Variants in NRG1 observed in about 807,000 individuals in gnomAD.
NRG1 encodes pro-neuregulin-1, membrane-bound isoform.
NRG1 carries 18 observed loss-of-function variants against 63.8 expected under a neutral mutation model. The observed-to-expected ratio is 0.28, with a 90% confidence interval of 0.19 to 0.42. The LOEUF (loss-of-function observed/expected upper bound fraction) is 0.42, where lower values mean the gene tolerates loss of function less well. Among genes scored for constraint, NRG1 ranks in the 10% least tolerant of loss-of-function variants. The pLI is 1.00. For missense variants in NRG1, 762 were observed against 814.7 expected, an observed-to-expected ratio of 0.94 and a Z score of 0.79; for synonymous variants, 302 against 301.3, an observed-to-expected ratio of 1.00 and a Z score of -0.02.
At chr8:32,267,112 A>C (rs1851045662) in intron 1 of NRG1, among the ~76,000 whole-genome samples, 1 of 145,022 alleles carries the variant, frequency 6.9e-6, no homozygotes, top group South Asian at 2.2e-4. Flanking sequence ...GGAAGGAAGG[A>C]GGGAAGGAAG....
chr8:32,360,701 G>A (rs1423704578), intron 1 of NRG1, among the ~76,000 whole-genome samples: 3 of 152,132 alleles, frequency 2.0e-5, no homozygotes, highest in Non-Finnish European at 4.4e-5. Context: ...CACCAAACCT[G>A]AACCAGCATT....
downstream of NRG1, among the ~76,000 whole-genome samples, chr8:32,768,589 C>G (rs374537066): frequency 6.6e-6 from 1 of 152,154 alleles, no homozygotes; most frequent in Non-Finnish European, 1.5e-5. Flanking sequence ...CAGGGAGGAG[C>G]CTTTGCATGA....
Position 32,742,947 on chromosome 8 carries a change from G to T in NRG1, c.691+214G>T. On this transcript the variant is annotated intron_variant, in intron 7 of 11. Coordinates refer to ENST00000356819, the Ensembl canonical transcript of NRG1. This position sits in a 1 kb window ranked among gnomAD's most constrained non-coding sequence, Gnocchi z 4.2. ...ACTAGTTGGCTCTGAGATACTAATA[G>T]GTGTGTGAGGCTCCGGATGTTTCTG... The T allele has an allele frequency of 7.1e-7, 1 of 1,412,220 alleles. No individual in the cohort carries two copies. The highest frequency in any genetic ancestry group is 9.3e-7 in the Non-Finnish European group (1 of 1,080,600). 87.5% of individuals were successfully genotyped at this position (1,412,220 alleles called of 1,614,324 possible). A position where few individuals can be genotyped will look rare whatever the true frequency, so the allele number is the denominator to read the frequency against.
At chr8:31,649,967 C>G (rs1804673254) in intron 1 of NRG1, among the ~76,000 whole-genome samples, 1 of 152,110 alleles carries the variant, frequency 6.6e-6, no homozygotes, top group African/African-American at 2.4e-5. Context: ...CTGAGTCATT[C>G]TAAAATACTA....
intron 1 of NRG1, among the ~76,000 whole-genome samples, chr8:32,412,994 G>A (rs1403899232): frequency 6.6e-6 from 1 of 152,074 alleles, no homozygotes; most frequent in East Asian, 1.9e-4. Context: ...CTCGCCCAAA[G>A]CTACACACTG....
At chr8:32,282,860 A>G (rs983800224) in intron 1 of NRG1, among the ~76,000 whole-genome samples, 1 of 152,198 alleles carries the variant, frequency 6.6e-6, no homozygotes, top group Non-Finnish European at 1.5e-5. Flanking sequence ...AAAAAAGTGT[A>G]TCCATTGTTT....
intron 1 of NRG1, among the ~76,000 whole-genome samples, chr8:31,851,173 AG>A (rs1274996722): frequency 6.6e-6 from 1 of 152,232 alleles, no homozygotes; most frequent in African/African-American, 2.4e-5. Context: ...AGAAGTAGAA[AG>A]GGAAAGCCAA....
At chr8:32,517,418 G>C (rs1829933475) in intron 1 of NRG1, among the ~76,000 whole-genome samples, 1 of 152,022 alleles carries the variant, frequency 6.6e-6, no homozygotes, top group Non-Finnish European at 1.5e-5. Flanking sequence ...GTACATGTGG[G>C]GCGGCCAGCA....
chr8:32,609,021 C>G (rs1269629317), intron 3 of NRG1, among the ~76,000 whole-genome samples: 1 of 152,108 alleles, frequency 6.6e-6, no homozygotes, highest in African/African-American at 2.4e-5. Context: ...GTCATACGTC[C>G]ACTGCTGCCT....
chr8:31,905,680 C>T (rs539358853), intron 1 of NRG1, among the ~76,000 whole-genome samples: 1 of 152,068 alleles, frequency 6.6e-6, no homozygotes, highest in Non-Finnish European at 1.5e-5. Context: ...TAAATGAGCA[C>T]CACTTTTTAT....
chr8:32,757,454 A>G (rs114099321), intron 9 of NRG1, among the ~76,000 whole-genome samples: 18 of 152,292 alleles, frequency 1.2e-4, no homozygotes, highest in African/African-American at 4.3e-4. Flanking sequence ...AATGGAACAG[A>G]TATATCATAG....
intron 1 of NRG1, among the ~76,000 whole-genome samples, chr8:31,896,041 G>T (rs922580356): frequency 5.3e-5 from 8 of 151,970 alleles, no homozygotes; most frequent in Non-Finnish European, 1.2e-4. Context: ...CCCATTTTCT[G>T]CATAAGAAAA....
At chr8:32,417,049 A>C (rs1816021425) in intron 1 of NRG1, among the ~76,000 whole-genome samples, 1 of 152,148 alleles carries the variant, frequency 6.6e-6, no homozygotes, top group Admixed American at 6.5e-5. Context: ...TAAATCATGC[A>C]AGTGGCTGTC....
At chr8:31,817,709 A>G (rs933783986) in intron 1 of NRG1, among the ~76,000 whole-genome samples, 6 of 152,210 alleles carry the variant, frequency 3.9e-5, no homozygotes, top group African/African-American at 1.4e-4. Flanking sequence ...TTCCTAATAC[A>G]AACAAAAGCA....
At chr8:31,805,297 T>A (rs1211352888) in intron 1 of NRG1, among the ~76,000 whole-genome samples, 2 of 151,950 alleles carry the variant, frequency 1.3e-5, no homozygotes, top group African/African-American at 4.8e-5. Context: ...ATTAATAGGA[T>A]ATTATATAAT....
intron 1 of NRG1, among the ~76,000 whole-genome samples, chr8:31,810,166 T>G (rs1206168852): frequency 6.6e-6 from 1 of 152,148 alleles, no homozygotes; most frequent in Non-Finnish European, 1.5e-5. Flanking sequence ...CATATCTGAC[T>G]GTCTCTCACC....
intron 1 of NRG1, among the ~76,000 whole-genome samples, chr8:32,356,400 G>A (rs1031934978): frequency 1.3e-5 from 2 of 151,120 alleles, no homozygotes; most frequent in Non-Finnish European, 2.9e-5. Context: ...TATGCTCACA[G>A]GAAATAATTA....
chr8:32,110,639 A>G (rs1034512633), intron 1 of NRG1, among the ~76,000 whole-genome samples: 8 of 152,140 alleles, frequency 5.3e-5, no homozygotes, highest in African/African-American at 1.9e-4. Flanking sequence ...ATAGAATCAA[A>G]TAGGGTCTCC....
chr8:32,383,633 A>G (rs926166480), intron 1 of NRG1, among the ~76,000 whole-genome samples: 4 of 152,204 alleles, frequency 2.6e-5, no homozygotes, highest in African/African-American at 4.8e-5. Context: ...TCAGAGTCAC[A>G]TAGATGTGAC....
Sources: allele counts gnomAD v4.1 joint callset (sites outside exome capture counted in the v4.1 genomes callset), GRCh38; gene constraint gnomAD v4.1.1; non-coding constraint Gnocchi (gnomAD v3.1); transcripts MANE v1.5; gene names NCBI Gene and HGNC (gene_info 2026-07-23, HGNC 2026-07-21).